The following LDLRAD3 variants were observed in gnomAD, a reference collection of about 807,000 sequenced individuals.
LDLRAD3 encodes low density lipoprotein receptor class A domain containing 3.
In LDLRAD3, 20 loss-of-function variants were observed where a neutral mutation model predicts 29.4. The observed-to-expected ratio is 0.68, with a 90% CI of 0.48 to 0.99. The LOEUF (loss-of-function observed/expected upper bound fraction) is 0.99. Among genes scored for constraint, LDLRAD3 ranks in the 50% least tolerant of loss-of-function variants. LDLRAD3 has a pLI of 0.00. For missense variants in LDLRAD3, 420 were observed against 454.3 expected (o/e 0.92, Z 0.69); for synonymous variants, 157 against 192.7 (o/e 0.81, Z 1.53).
chr11:36,047,973 G>T (rs1852475204), intron 2 of LDLRAD3, among the ~76,000 whole-genome samples: 2 of 152,202 alleles, frequency 1.3e-5, no homozygotes, highest in Admixed American at 1.3e-4. Flanking sequence ...GTGAAAAGGG[G>T]CAGGGTGAGA....
chr11:36,218,090 A>G (rs1855376973), intron 4 of LDLRAD3, among the ~76,000 whole-genome samples: 1 of 152,240 alleles, frequency 6.6e-6, no homozygotes, highest in Admixed American at 6.5e-5. Context: ...CACATCAGAT[A>G]TTAATGAGAA....
chr11:35,966,385 A>G (rs1056270801), intron 1 of LDLRAD3, among the ~76,000 whole-genome samples: 5 of 152,220 alleles, frequency 3.3e-5, no homozygotes, highest in African/African-American at 1.2e-4. Flanking sequence ...AGATCGCACC[A>G]CTGCACTCCA....
intron 1 of LDLRAD3, chr11:35,967,986 G>A (rs1002277966): frequency 7.1e-6 from 3 of 419,784 alleles, no homozygotes; most frequent in Non-Finnish European, 9.3e-6. Flanking sequence ...GTGCTTTATT[G>A]CATAAACACT....
chr11:36,142,620 C>T (rs904157695), intron 4 of LDLRAD3, among the ~76,000 whole-genome samples: 11 of 152,096 alleles, frequency 7.2e-5, no homozygotes, highest in African/African-American at 2.7e-4. Context: ...TAAGCACAAA[C>T]GTCTAAAAGA....
At chr11:36,054,106 A>G (rs1005165423) in intron 2 of LDLRAD3, among the ~76,000 whole-genome samples, 5 of 152,200 alleles carry the variant, frequency 3.3e-5, no homozygotes, top group Admixed American at 6.5e-5. Flanking sequence ...TCTCTGTTTA[A>G]TATCCCAGGT....
chr11:36,134,244 G>GAAA (rs1853972397), intron 4 of LDLRAD3, among the ~76,000 whole-genome samples: 1 of 152,158 alleles, frequency 6.6e-6, no homozygotes, highest in African/African-American at 2.4e-5. Context: ...GAAATGCATT[G>GAAA]TACACTCCTA....
chr11:36,128,747 G>A (rs185879618), intron 4 of LDLRAD3, among the ~76,000 whole-genome samples: 30 of 152,178 alleles, frequency 2.0e-4, no homozygotes, highest in African/African-American at 7.2e-4. Flanking sequence ...TACTCAGGTG[G>A]CTGAGTCAGG....
intron 1 of LDLRAD3, among the ~76,000 whole-genome samples, chr11:35,954,153 T>A (rs1399085072): frequency 6.6e-6 from 1 of 152,190 alleles, no homozygotes; most frequent in Admixed American, 6.5e-5. Flanking sequence ...ATGATAATGA[T>A]GACAATACAA....
At chr11:36,103,397 C>T (rs1215132683) in intron 4 of LDLRAD3, among the ~76,000 whole-genome samples, 1 of 152,042 alleles carries the variant, frequency 6.6e-6, no homozygotes, top group Non-Finnish European at 1.5e-5. Flanking sequence ...ACCACCACGC[C>T]CAGCTAATTT....
chr11:36,123,816 T>A (rs1355216279), intron 4 of LDLRAD3, among the ~76,000 whole-genome samples: 1 of 152,238 alleles, frequency 6.6e-6, no homozygotes, highest in Non-Finnish European at 1.5e-5. Flanking sequence ...CCCGGACTCC[T>A]AAAGTCCGGC....
intron 2 of LDLRAD3, among the ~76,000 whole-genome samples, chr11:36,057,701 C>T (rs59908202): frequency 0.021 from 3,217 of 152,296 alleles, 100 homozygotes; most frequent in Admixed American, 0.076. Flanking sequence ...CTCCCTGGAT[C>T]GTCAGTTGCC....
Position 36,191,810 on chromosome 11 carries a change from C to T in LDLRAD3, c.455-35275C>T, listed in dbSNP as rs78143477. Among the ~76,000 whole-genome samples the T allele has an allele frequency of 7.8e-3, 1,190 of 151,672 alleles. 18 individuals carry two copies. Among genetic ancestry groups the T allele is most frequent in the African/African-American group, 0.028 (1,138 of 41,316 alleles). On this transcript the variant is annotated intron_variant, in intron 4 of 5. Coordinates refer to ENST00000315571, the MANE Select transcript of LDLRAD3 (RefSeq NM_174902.4). The stretch of plus-strand genomic sequence containing the variant: ...AGAAAAGTGTTCAAATCATAGTATA[C>T]CTGTGTTGTTCATCTGTAGCATTTT...
intron 4 of LDLRAD3, among the ~76,000 whole-genome samples, chr11:36,186,539 G>A (rs1172005686): frequency 1.3e-5 from 2 of 152,164 alleles, no homozygotes; most frequent in Non-Finnish European, 2.9e-5. Flanking sequence ...GTGGTCTAGG[G>A]TTACCATGTT....
intron 1 of LDLRAD3, among the ~76,000 whole-genome samples, chr11:35,961,716 A>G (rs1360964946): frequency 6.6e-6 from 1 of 152,192 alleles, no homozygotes; most frequent in Non-Finnish European, 1.5e-5. Flanking sequence ...TTTGCATTTT[A>G]CTCTAACAAC....
intron 1 of LDLRAD3, among the ~76,000 whole-genome samples, chr11:35,982,642 G>T (rs1258398208): frequency 6.6e-6 from 1 of 152,072 alleles, no homozygotes; most frequent in Non-Finnish European, 1.5e-5. Context: ...CCACTCAAGG[G>T]CATGTCTGGG....
intron 1 of LDLRAD3, among the ~76,000 whole-genome samples, chr11:35,993,024 C>G (rs1240095795): frequency 6.6e-6 from 1 of 152,132 alleles, no homozygotes; most frequent in Non-Finnish European, 1.5e-5. Context: ...GATACTGAAT[C>G]CATAATCCAC....
intron 4 of LDLRAD3, among the ~76,000 whole-genome samples, chr11:36,174,336 A>G (rs1590331296): frequency 6.6e-6 from 1 of 152,252 alleles, no homozygotes; most frequent in Non-Finnish European, 1.5e-5. Context: ...ACCAAAAGCA[A>G]TGGCAACAAA....
intron 1 of LDLRAD3, among the ~76,000 whole-genome samples, chr11:35,996,927 T>A (rs1433240640): frequency 6.6e-6 from 1 of 152,188 alleles, no homozygotes; most frequent in Non-Finnish European, 1.5e-5. Flanking sequence ...GACTCCTCCA[T>A]GCAGCTTTGG....
intron 1 of LDLRAD3, among the ~76,000 whole-genome samples, chr11:35,982,156 C>T (rs1272934095): frequency 6.6e-6 from 1 of 152,196 alleles, no homozygotes; most frequent in East Asian, 1.9e-4. Context: ...TTCTGGAGGC[C>T]AGAAGTTCTA....
Sources: gnomAD v4.1 joint callset for allele counts (sites outside exome capture counted in the v4.1 genomes callset) on GRCh38, gnomAD v4.1.1 for gene constraint, MANE v1.5 for transcripts, NCBI Gene and HGNC (gene_info 2026-07-23, HGNC 2026-07-21) for gene names.